Variants in DLG2 observed in about 807,000 individuals in gnomAD.
DLG2 encodes disks large homolog 2.
In DLG2, 45 loss-of-function variants were observed where a neutral mutation model predicts 132.5. That is an observed-to-expected ratio of 0.34 (90% CI 0.27 to 0.44). The LOEUF (loss-of-function observed/expected upper bound fraction) is 0.44. Ranked by LOEUF, DLG2 falls within the 20% of genes least tolerant of loss-of-function variation. The pLI, the probability that DLG2 is intolerant of heterozygous loss-of-function variation, is 1.00. For missense variants in DLG2, 1,045 were observed against 1,196.9 expected (o/e 0.87, Z 1.87); for synonymous variants, 424 against 419.6 (o/e 1.01, Z -0.13).
intron 6 of DLG2, among the ~76,000 whole-genome samples, chr11:85,055,276 A>T (rs2063336214): frequency 6.6e-6 from 1 of 152,154 alleles, no homozygotes; most frequent in Non-Finnish European, 1.5e-5. Context: ...AGGGAGAGAA[A>T]ATTTCCACTT....
At position 84,503,850 on chromosome 11, in the gene DLG2, G is replaced by C. The variant is rs76155454; in HGVS notation, c.519+30720C>G. Among the ~76,000 whole-genome samples, 35 of 152,258 alleles carry C rather than the reference G, an allele frequency of 2.3e-4. No individual in the cohort carries two copies. In the East Asian group the frequency reaches 6.2e-3, roughly 27 times the overall value. On this transcript the variant is annotated intron_variant, in intron 7 of 27. Transcript: ENST00000376104. Reference sequence around the variant, plus strand: ...TCATTCTTAACTTCATAACAGATTTGAATGACGACTTTACATTTTGTGGCT... The same window carrying C: ...TCATTCTTAACTTCATAACAGATTTCAATGACGACTTTACATTTTGTGGCT...
intron 2 of DLG2, chr11:85,625,182 C>G (rs995636286): frequency 1.3e-5 from 2 of 152,300 alleles, no homozygotes; most frequent in Admixed American, 1.3e-4. Context: ...GTCTCTCTCT[C>G]TCTCACACAC....
intron 4 of DLG2, among the ~76,000 whole-genome samples, chr11:85,226,629 A>G (rs1365534671): frequency 6.6e-6 from 1 of 152,172 alleles, no homozygotes; most frequent in African/African-American, 2.4e-5. Flanking sequence ...AATGTGGAAA[A>G]TGGGGTAGAA....
chr11:84,914,389 C>T (rs898465611), intron 6 of DLG2, among the ~76,000 whole-genome samples: 1 of 152,218 alleles, frequency 6.6e-6, no homozygotes, highest in African/African-American at 2.4e-5. Flanking sequence ...AATATCACTT[C>T]ATCGTGGGGA....
At chr11:84,746,155 G>C (rs12365041) in intron 6 of DLG2, among the ~76,000 whole-genome samples, 79,298 of 151,546 alleles carry the variant, frequency 0.52, 20,938 homozygotes, top group Middle Eastern at 0.58. Flanking sequence ...TGTGGGCAAG[G>C]GGTCACTGGG....
intron 6 of DLG2, among the ~76,000 whole-genome samples, chr11:84,987,748 C>T (rs1192373333): frequency 6.6e-6 from 1 of 152,160 alleles, no homozygotes; most frequent in African/African-American, 2.4e-5. Context: ...CCTCATATCT[C>T]ACCTTATAGA....
At chr11:83,536,363 A>G (rs1057026592) in intron 20 of DLG2, among the ~76,000 whole-genome samples, 3 of 152,168 alleles carry the variant, frequency 2.0e-5, no homozygotes, top group African/African-American at 7.2e-5. Flanking sequence ...CTAATAGTGC[A>G]TTCCCATCAC....
chr11:84,477,916 C>A (rs1004900908), intron 7 of DLG2, among the ~76,000 whole-genome samples: 1 of 152,112 alleles, frequency 6.6e-6, no homozygotes, highest in Admixed American at 6.6e-5. Context: ...GTTTCAGGTA[C>A]AATTTTATGT....
chr11:84,765,531 A>C (rs962143423), intron 6 of DLG2, among the ~76,000 whole-genome samples: 3 of 152,048 alleles, frequency 2.0e-5, no homozygotes, highest in Admixed American at 2.0e-4. Flanking sequence ...ACTACTGAAA[A>C]ATATCATTTT....
At chr11:85,109,616 G>T (rs570148936) in intron 6 of DLG2, among the ~76,000 whole-genome samples, 92 of 152,178 alleles carry the variant, frequency 6.0e-4, no homozygotes, top group African/African-American at 2.2e-3. Context: ...AAATGTGAAA[G>T]TTCTTATATT....
intron 7 of DLG2, among the ~76,000 whole-genome samples, chr11:84,382,261 A>G (rs187044206): frequency 3.5e-4 from 54 of 152,218 alleles, no homozygotes; most frequent in Admixed American, 2.4e-3. Context: ...CAGTGTTTAG[A>G]GAAATAGGTA....
At chr11:85,572,617 G>A (rs760372973) in intron 3 of DLG2, among the ~76,000 whole-genome samples, 43 of 151,930 alleles carry the variant, frequency 2.8e-4, no homozygotes, top group Non-Finnish European at 3.8e-4. Flanking sequence ...TCCCATTCAA[G>A]TCCCTATTCA....
intron 4 of DLG2, among the ~76,000 whole-genome samples, chr11:85,168,173 G>C (rs752861538): frequency 1.6e-4 from 25 of 152,094 alleles, no homozygotes; most frequent in Non-Finnish European, 3.1e-4. Context: ...AAAACACAAA[G>C]AAGACAGTGT....
chr11:85,582,201 G>A (rs183000275), intron 3 of DLG2, among the ~76,000 whole-genome samples: 15 of 152,220 alleles, frequency 9.9e-5, no homozygotes, highest in Admixed American at 5.2e-4. Flanking sequence ...GAAGACTTAC[G>A]GTAGCTAACA....
intron 6 of DLG2, among the ~76,000 whole-genome samples, chr11:85,003,197 T>C (rs543698385): frequency 4.3e-4 from 65 of 152,258 alleles, no homozygotes; most frequent in South Asian, 8.3e-4. Flanking sequence ...TAATATGTAA[T>C]GATCCATTCA....
rs138430783 is a variant in DLG2, at chr11:83,633,252, G to C, written c.1899C>G (p.Ser633=). 1 of 1,613,684 alleles carries C rather than the reference G, an allele frequency of 6.2e-7. No individual in the cohort carries two copies. Among genetic ancestry groups the C allele is most frequent in the Admixed American group, 1.7e-5 (1 of 59,958 alleles). ...GTTTCTGATTGGTTCGCAGGGATCC[G>C]GACCCGGAGCTCATGCTGTGGTTCA... ...QMMNHSMSSG[S]GSLRTNQKRS... The change falls in exon 19 of 28, where the codon TCC becomes TCG. Residue 633 remains serine, a synonymous_variant. Transcript: ENST00000376104.
chr11:85,494,014 A>G (rs2093618708), intron 3 of DLG2, among the ~76,000 whole-genome samples: 1 of 152,130 alleles, frequency 6.6e-6, no homozygotes, highest in Non-Finnish European at 1.5e-5. Context: ...AAGAAAAATC[A>G]TGTCTTCATA....
At chr11:85,054,060 A>G (rs1000826148) in intron 6 of DLG2, among the ~76,000 whole-genome samples, 1 of 151,860 alleles carries the variant, frequency 6.6e-6, no homozygotes, top group Non-Finnish European at 1.5e-5. Flanking sequence ...ACGTCAGGAG[A>G]TCGAGACCAG....
intron 6 of DLG2, among the ~76,000 whole-genome samples, chr11:84,806,805 C>T (rs890325265): frequency 6.6e-6 from 1 of 152,126 alleles, no homozygotes; most frequent in Non-Finnish European, 1.5e-5. Context: ...TCCTTCTTCT[C>T]TTGGATTTCC....
Sources: gnomAD v4.1 joint callset for allele counts (sites outside exome capture counted in the v4.1 genomes callset) on GRCh38, gnomAD v4.1.1 for gene constraint, MANE v1.5 for transcripts, NCBI Gene and HGNC (gene_info 2026-07-23, HGNC 2026-07-21) for gene names.